The following TGDS variants were observed in gnomAD, a reference collection of about 807,000 sequenced individuals.
The protein encoded by TGDS is UDP-D-glucose 4,6-dehydratase.
In TGDS, 47 loss-of-function variants were observed where a neutral mutation model predicts 52.3. The ratio of observed to expected loss-of-function variants is 0.90; its 90% confidence interval spans 0.71 to 1.15. The LOEUF is 1.15. TGDS is among the 50% of genes most tolerant of loss of function. The pLI, the probability that TGDS is intolerant of heterozygous loss-of-function variation, is 0.00. For missense variants in TGDS, 375 were observed against 418.4 expected, an observed-to-expected ratio of 0.90 and a Z score of 0.90; for synonymous variants, 115 against 136.9, an observed-to-expected ratio of 0.84 and a Z score of 1.12.
chr13:94,582,032 T>A (rs1888812210), intron 5 of TGDS, among the ~76,000 whole-genome samples: 1 of 152,060 alleles, frequency 6.6e-6, no homozygotes, highest in Non-Finnish European at 1.5e-5. Flanking sequence ...AAACCCCATC[T>A]CTACTAAACT....
At chr13:94,577,571 T>G in intron 9 of TGDS, 142 bp from the exon 10 acceptor site, 1 of 620,208 alleles carries the variant, frequency 1.6e-6, no homozygotes, top group Middle Eastern at 3.6e-4. Flanking sequence ...TAGTAACACT[T>G]TCTATACTTT....
chr13:94,593,896 A>G lies in TGDS; in HGVS notation c.98T>C (p.Met33Thr), dbSNP rs1039955963. The G allele has an allele frequency of 6.3e-7, 1 of 1,577,400 alleles. No homozygotes were observed. The highest frequency in any genetic ancestry group is 8.6e-7 in the Non-Finnish European group (1 of 1,160,964). ...ATAATCTTCCACTAAAGAGACAATC[A>G]TATGTGATGCACTATGGAAAAAAAG... is the stretch of plus-strand genomic sequence containing the variant. ...TGGAGFIASH[M>T]IVSLVEDYPN... The change falls in exon 2 of 12, where the codon ATG (methionine) becomes ACG (threonine). Residue 33 changes from methionine (M) to threonine (T), a missense_variant. Met to Thr is a moderately conservative substitution (Grantham distance 81, BLOSUM62 -1). Coordinates refer to ENST00000261296, the MANE Select transcript of TGDS (RefSeq NM_014305.4).
chr13:94,587,600 T>C (rs1889036337), intron 4 of TGDS, among the ~76,000 whole-genome samples: 1 of 152,144 alleles, frequency 6.6e-6, no homozygotes. Flanking sequence ...CAAATTGATA[T>C]GGGTATGGGG....
In TGDS at chr13:94,592,238, T is replaced by C. The variant is rs1216657683; in HGVS notation, c.222+3A>G. 2 of 1,605,190 alleles carry C rather than the reference T, an allele frequency of 1.2e-6. No homozygotes were observed. The highest frequency in any genetic ancestry group is 2.2e-5 in the East Asian group (1 of 44,642). Reference sequence around the variant, plus strand: ...CGGTACAGTTACAAGAAAATGTTCATACCTGTATAAATTTGTAGTTCTGTT... The same window carrying C: ...CGGTACAGTTACAAGAAAATGTTCACACCTGTATAAATTTGTAGTTCTGTT... On this transcript the variant is annotated splice_donor_region_variant and intron_variant, in intron 3 of 11. Coordinates refer to ENST00000261296, the MANE Select transcript of TGDS (RefSeq NM_014305.4).
chr13:94,585,886 G>T (rs564019498), intron 4 of TGDS, among the ~76,000 whole-genome samples: 1 of 151,650 alleles, frequency 6.6e-6, no homozygotes, highest in Non-Finnish European at 1.5e-5. Context: ...GAGGGCAAAG[G>T]TTTTGATGAA....
chr13:94,589,596 G>A lies in TGDS; in HGVS notation c.313+1257C>T, dbSNP rs370450524. ...CCCAAAGTTCTGGGATTACAGGCGT[G>A]AGCCACCGCTCCCGGCCAAAATGGA... On this transcript the variant is annotated intron_variant, in intron 4 of 11. Coordinates refer to ENST00000261296, the MANE Select transcript of TGDS (RefSeq NM_014305.4). 1.6e-4 allele frequency among the ~76,000 whole-genome samples: 24 copies of A among 152,270 alleles called. No individual in the cohort carries two copies. In the East Asian group the frequency reaches 3.9e-3, roughly 24 times the overall value.
At chr13:94,588,328 C>T (rs964295850) in intron 4 of TGDS, among the ~76,000 whole-genome samples, 1 of 143,792 alleles carries the variant, frequency 7.0e-6, no homozygotes, top group African/African-American at 2.6e-5. Context: ...GAGGCTGAGG[C>T]AGGAGAATCG....
intron 2 of TGDS, 24 bp downstream of exon 2, chr13:94,593,817 G>A (rs1195601693): frequency 7.0e-7 from 1 of 1,423,094 alleles, no homozygotes; most frequent in South Asian, 1.2e-5. Flanking sequence ...TTCAGTGCAT[G>A]ATGCTCATTT....
intron 7 of TGDS, 35 bp from the exon 8 acceptor site, chr13:94,578,808 T>G: frequency 7.5e-7 from 1 of 1,325,054 alleles, no homozygotes; most frequent in Non-Finnish European, 1.1e-6. Context: ...TCAGACTGGA[T>G]ATTTACTCAT....
At chr13:94,587,110 C>T (rs989430422) in intron 4 of TGDS, among the ~76,000 whole-genome samples, 1 of 151,940 alleles carries the variant, frequency 6.6e-6, no homozygotes, top group African/African-American at 2.4e-5. Context: ...ATATGAAAAC[C>T]TGTAGGATTC....
chr13:94,593,623 A>G (rs925193920), intron 2 of TGDS, among the ~76,000 whole-genome samples: 4 of 152,252 alleles, frequency 2.6e-5, no homozygotes, highest in African/African-American at 7.2e-5. Flanking sequence ...AAAATAAAAC[A>G]AAAACTTTAT....
At chr13:94,585,629 C>T (rs1278453416) in intron 4 of TGDS, among the ~76,000 whole-genome samples, 1 of 151,880 alleles carries the variant, frequency 6.6e-6, no homozygotes, top group East Asian at 1.9e-4. Context: ...AAAACCCCGT[C>T]TCTACTCAAA....
In TGDS at chr13:94,596,052, T is replaced by A; in HGVS notation, c.85A>T (p.Ile29Phe). 6.2e-7 allele frequency: 1 copy of A among 1,613,986 alleles called. No homozygotes were observed. Among genetic ancestry groups the A allele is most frequent in the Non-Finnish European group, 8.5e-7 (1 of 1,179,950 alleles). The change falls in exon 1 of 12, where the codon ATT (isoleucine) becomes TTT (phenylalanine). Residue 29 changes from isoleucine (I) to phenylalanine (F), a missense_variant and splice_region_variant. Transcript: ENST00000261296. The stretch of plus-strand genomic sequence containing the variant: ...TTGGCTAGCGGCGCCATTACCTACA[T>A]GAAACCAGCACCGCCGGTCACCAGG... Reference protein sequence around the residue: ...RVLVTGGAGFIASHMIVSLVE... With the variant: ...RVLVTGGAGFFASHMIVSLVE...
In TGDS at chr13:94,574,787, C is replaced by A. The variant is rs772009375; in HGVS notation, c.1048G>T (p.Val350Leu). 1 of 1,597,628 alleles carries A rather than the reference C, an allele frequency of 6.3e-7. No homozygotes were observed. Among genetic ancestry groups the A allele is most frequent in the Non-Finnish European group, 8.6e-7 (1 of 1,166,778 alleles). The change falls in exon 12 of 12, where the codon GTA becomes TTA. Residue 350 changes from valine to leucine, a missense_variant. Coordinates refer to ENST00000261296, the MANE Select transcript of TGDS (RefSeq NM_014305.4). ...CTCGACTATATAAATGGTGATTATACCGGAAAGGGTTCTAATGCCTTTTCC... is the reference window on the plus strand; with the variant it reads ...CTCGACTATATAAATGGTGATTATAACGGAAAGGGTTCTAATGCCTTTTCC... ...NVEKALEPFP[V>L]
upstream of TGDS, chr13:94,596,267 A>G (rs1889383501): frequency 9.8e-7 from 1 of 1,017,570 alleles, no homozygotes; most frequent in African/African-American, 1.6e-5. Context: ...CAGCTTCCGG[A>G]GACTGCTCTG....
chr13:94,578,206 A>G (rs1594439460), intron 8 of TGDS, 36 bp from the exon 9 acceptor site: 1 of 1,604,322 alleles, frequency 6.2e-7, no homozygotes, highest in South Asian at 1.1e-5. Flanking sequence ...CATAAAGTGT[A>G]AAAAGGTAAA....
intron 10 of TGDS, 80 bp downstream of exon 10, chr13:94,577,291 G>A: frequency 9.3e-7 from 1 of 1,079,012 alleles, no homozygotes. Flanking sequence ...ACTAGTTATT[G>A]GTCAAGTCCA....
intron 4 of TGDS, among the ~76,000 whole-genome samples, chr13:94,584,459 C>T (rs906238180): frequency 5.3e-5 from 8 of 152,196 alleles, no homozygotes; most frequent in African/African-American, 1.9e-4. Flanking sequence ...AAATGAAAGA[C>T]TGAAGAACTT....
In TGDS at chr13:94,574,599, T is replaced by C. The variant is rs1888530417; in HGVS notation, c.*183A>G. 1.9e-6 allele frequency: 1 copy of C among 526,494 alleles called. No homozygotes were observed. The highest frequency in any genetic ancestry group is 3.3e-6 in the Non-Finnish European group (1 of 299,168). The allele number at this position is 526,494 out of a possible 1,614,324, so 32.6% of individuals were successfully genotyped here. A position where few individuals can be genotyped will look rare whatever the true frequency, so the allele number is the denominator to read the frequency against. The stretch of plus-strand genomic sequence containing the variant: ...TCAGAAAGAATTTTGACATTTAAAT[T>C]CTATGCCAGTACTGAAACTCTCCCA... On this transcript the variant is annotated 3_prime_UTR_variant, in exon 12 of 12. Coordinates refer to ENST00000261296, the MANE Select transcript of TGDS (RefSeq NM_014305.4).
Sources: allele counts gnomAD v4.1 joint callset (sites outside exome capture counted in the v4.1 genomes callset), GRCh38; gene constraint gnomAD v4.1.1; transcripts MANE v1.5; gene names NCBI Gene and HGNC (gene_info 2026-07-23, HGNC 2026-07-21).